The following VPS13B variants were observed in gnomAD, a reference collection of about 807,000 sequenced individuals.
The protein encoded by VPS13B is vacuolar protein sorting 13 homolog B, also known as intermembrane lipid transfer protein VPS13B.
In VPS13B, 285 loss-of-function variants were observed where a neutral mutation model predicts 426.4. That is an observed-to-expected ratio of 0.67 (90% CI 0.61 to 0.74). The LOEUF (loss-of-function observed/expected upper bound fraction) is 0.74. VPS13B is among the 30% of genes least tolerant of loss of function. VPS13B has a pLI of 0.00. For synonymous variants in VPS13B, 1,676 were observed against 1,676.4 expected, an observed-to-expected ratio of 1.00 and a Z score of 0.01; for missense variants, 4,537 against 4,782.6, an observed-to-expected ratio of 0.95 and a Z score of 1.51.
chr8:99,275,118 G>C lies in VPS13B; in HGVS notation c.2688G>C (p.Gln896His). 8 of 1,610,228 alleles carry C rather than the reference G, an allele frequency of 5.0e-6. No homozygotes were observed. Among genetic ancestry groups the C allele is most frequent in the Non-Finnish European group, 6.8e-6 (8 of 1,178,436 alleles). ...AAGAGAAGTTGATTCCCTTGCTTCA[G>C]GGTCCTTCTGACACTAAAGACCTTC... is the stretch of plus-strand genomic sequence containing the variant. ...SGKEKLIPLLQGPSDTKDLHS... is the reference protein window; with the variant it reads ...SGKEKLIPLLHGPSDTKDLHS... Residue 896 changes from glutamine to histidine, a missense_variant, in exon 19 of 62, where the codon CAG becomes CAC. By Grantham distance (24) the Gln-to-His change is conservative (BLOSUM62 0). Around this residue, in one of 2 missense-constraint regions of VPS13B, gnomAD observed 4,311 missense variants for 4,474.3 expected, o/e 0.96. Coordinates refer to ENST00000357162, the MANE Select transcript of VPS13B (RefSeq NM_152564.5).
chr8:99,587,608 G>A (rs1429485008), intron 33 of VPS13B, among the ~76,000 whole-genome samples: 1 of 151,762 alleles, frequency 6.6e-6, no homozygotes, highest in Non-Finnish European at 1.5e-5. Flanking sequence ...TCTGTTGGCT[G>A]CATAAATGTC....
rs868301555 is a variant in VPS13B, at chr8:99,736,344, G to A, written c.7050+15297G>A. Among the ~76,000 whole-genome samples, 10 of 152,172 alleles carry A rather than the reference G, an allele frequency of 6.6e-5. No individual in the cohort carries two copies. The South Asian group carries it at 1.9e-3, about 28-fold the overall frequency. Reference sequence around the variant, plus strand: ...TCTCAGCACTTTGGGAGGCTGAGGCGGGTGGATCATTTGAGGTCAGGAGTT... The same window carrying A: ...TCTCAGCACTTTGGGAGGCTGAGGCAGGTGGATCATTTGAGGTCAGGAGTT... On this transcript the variant is annotated intron_variant, in intron 39 of 61. Transcript: ENST00000357162.
chr8:99,431,122 G>A (rs1370915890), intron 21 of VPS13B, among the ~76,000 whole-genome samples: 2 of 152,156 alleles, frequency 1.3e-5, no homozygotes, highest in Non-Finnish European at 2.9e-5. Flanking sequence ...TGAATCAAGT[G>A]CTTTTTAGTT....
intron 23 of VPS13B, among the ~76,000 whole-genome samples, chr8:99,454,342 T>A (rs868196048): frequency 6.6e-6 from 1 of 152,132 alleles, no homozygotes; most frequent in Non-Finnish European, 1.5e-5. Context: ...TTTTTGTTTT[T>A]AAATTTTTGT....
At chr8:99,305,762 G>T (rs907779860) in intron 19 of VPS13B, among the ~76,000 whole-genome samples, 1 of 152,064 alleles carries the variant, frequency 6.6e-6, no homozygotes, top group African/African-American at 2.4e-5. Flanking sequence ...AATGGGAGAT[G>T]ATGGGAATTA....
At chr8:99,327,352 A>G (rs980460061) in intron 19 of VPS13B, among the ~76,000 whole-genome samples, 3 of 152,222 alleles carry the variant, frequency 2.0e-5, no homozygotes, top group African/African-American at 7.2e-5. Flanking sequence ...ATTTACATTA[A>G]TGTAGTATTT....
intron 43 of VPS13B, among the ~76,000 whole-genome samples, chr8:99,801,275 T>C (rs1313901896): frequency 6.6e-6 from 1 of 152,178 alleles, no homozygotes; most frequent in African/African-American, 2.4e-5. Flanking sequence ...AAAATCAATA[T>C]TCAGTGACTC....
chr8:99,709,147 C>T lies in VPS13B; in HGVS notation c.6455-8024C>T, dbSNP rs189909931. On this transcript the variant is annotated intron_variant, in intron 36 of 61. Coordinates refer to ENST00000357162, the MANE Select transcript of VPS13B (RefSeq NM_152564.5). ...GATGCTTCACTGTTATGCAAATCAG[C>T]TTCCGGATGTATCTAACACATGCTT... Among the ~76,000 whole-genome samples, 3 of 152,270 alleles carry T rather than the reference C, an allele frequency of 2.0e-5. No individual in the cohort carries two copies. In the East Asian group the frequency reaches 5.8e-4, roughly 29 times the overall value.
At chr8:99,509,973 TA>T (rs1186742050) in intron 28 of VPS13B, among the ~76,000 whole-genome samples, 1 of 152,210 alleles carries the variant, frequency 6.6e-6, no homozygotes, top group Non-Finnish European at 1.5e-5. Flanking sequence ...ATAGGAGAGC[TA>T]ATTGAGATAG....
intron 19 of VPS13B, among the ~76,000 whole-genome samples, chr8:99,342,277 T>C (rs1445259754): frequency 1.3e-5 from 2 of 152,224 alleles, no homozygotes; most frequent in Non-Finnish European, 2.9e-5. Context: ...CTCTTCATTA[T>C]TTTGAAATAC....
At chr8:99,587,400 T>C (rs1266892216) in intron 33 of VPS13B, among the ~76,000 whole-genome samples, 1 of 151,804 alleles carries the variant, frequency 6.6e-6, no homozygotes, top group Non-Finnish European at 1.5e-5. Flanking sequence ...ATCGCCACAC[T>C]GTCTTCCACA....
chr8:99,686,885 C>A (rs1290901358), intron 35 of VPS13B, among the ~76,000 whole-genome samples: 2 of 152,036 alleles, frequency 1.3e-5, no homozygotes, highest in Non-Finnish European at 1.5e-5. Flanking sequence ...AGCTGCAAGA[C>A]AAACTACCCT....
Position 99,854,176 on chromosome 8 carries a change from G to T in VPS13B, c.10787G>T (p.Arg3596Ile). 1 of 1,613,966 alleles carries T rather than the reference G, an allele frequency of 6.2e-7. No individual in the cohort carries two copies. Residue 3596 changes from arginine (R) to isoleucine (I), a missense_variant, in exon 56 of 62, where the codon AGA becomes ATA. Around this residue, in one of 2 missense-constraint regions of VPS13B, gnomAD observed 4,311 missense variants for 4,474.3 expected, o/e 0.96. Transcript: ENST00000357162. ...HTPLSFSVFERGPIFTTARQL... is the reference protein window; with the variant it reads ...HTPLSFSVFEIGPIFTTARQL... ...CCTCTCTCCTTCTCGGTGTTTGAAAGAGGACCCATCTTCACCACTGCGAGG... is the reference window on the plus strand; with the variant it reads ...CCTCTCTCCTTCTCGGTGTTTGAAATAGGACCCATCTTCACCACTGCGAGG...
chr8:99,730,687 G>A (rs1379761984), intron 39 of VPS13B, among the ~76,000 whole-genome samples: 1 of 150,998 alleles, frequency 6.6e-6, no homozygotes, highest in Non-Finnish European at 1.5e-5. Context: ...GTAGGTACAG[G>A]TACAGGTACC....
Position 99,485,545 on chromosome 8 carries a change from TG to T in VPS13B, c.3870+3744del, listed in dbSNP as rs139791524. ...GCTTTCAATGCTGTGGAGATTTTTCTGCTTACCACAGATACAAATAACATTT... is the reference window on the plus strand; with the variant it reads ...GCTTTCAATGCTGTGGAGATTTTTCTCTTACCACAGATACAAATAACATTT... On this transcript the variant is annotated intron_variant, in intron 25 of 61. Coordinates refer to ENST00000357162, the MANE Select transcript of VPS13B (RefSeq NM_152564.5). Among the ~76,000 whole-genome samples the T allele has an allele frequency of 3.3e-4, 50 of 152,306 alleles. No homozygotes were observed. In the East Asian group the frequency reaches 9.6e-3, roughly 29 times the overall value.
At chr8:99,870,946 G>A in intron 60 of VPS13B, 59 bp downstream of exon 60, 4 of 1,556,102 alleles carry the variant, frequency 2.6e-6, no homozygotes, top group Non-Finnish European at 3.5e-6. Flanking sequence ...AATAGCTCCT[G>A]GCTTGCTCTC....
intron 54 of VPS13B, among the ~76,000 whole-genome samples, chr8:99,846,873 C>T (rs1030213322): frequency 1.3e-5 from 2 of 152,200 alleles, no homozygotes; most frequent in African/African-American, 4.8e-5. Flanking sequence ...CATCCCCTCC[C>T]TCTCTCCTCT....
chr8:99,016,223 T>C (rs982474618), intron 2 of VPS13B, among the ~76,000 whole-genome samples: 2 of 152,204 alleles, frequency 1.3e-5, no homozygotes, highest in Non-Finnish European at 2.9e-5. Flanking sequence ...GTAACGTAAG[T>C]ATTAATTTCT....
At chr8:99,866,857 G>A (rs1367244548) in intron 58 of VPS13B, among the ~76,000 whole-genome samples, 2 of 152,176 alleles carry the variant, frequency 1.3e-5, no homozygotes, top group Admixed American at 1.3e-4. Context: ...CCAGCTGAGC[G>A]CCAGGCCTGA....
Sources: allele counts gnomAD v4.1 joint callset (sites outside exome capture counted in the v4.1 genomes callset), GRCh38; gene constraint gnomAD v4.1.1; regional missense constraint gnomAD v4.1.1; transcripts MANE v1.5; gene names NCBI Gene and HGNC (gene_info 2026-07-23, HGNC 2026-07-21).